The following ANGPT1 variants were observed in gnomAD, a reference collection of about 807,000 sequenced individuals.
The protein encoded by ANGPT1 is angiopoietin 1, also known as angiopoietin-1.
A neutral mutation model predicts 62.2 loss-of-function variants in ANGPT1; 17 were observed. The ratio of observed to expected loss-of-function variants is 0.27; its 90% CI spans 0.19 to 0.41. The LOEUF (loss-of-function observed/expected upper bound fraction) is 0.41, where lower values mean the gene tolerates loss of function less well. Ranked by LOEUF, ANGPT1 falls within the 10% of genes least tolerant of loss-of-function variation. ANGPT1 has a pLI of 1.00. For synonymous variants in ANGPT1, 199 were observed against 198.9 expected, an observed-to-expected ratio of 1.00 and a Z score of 0.00; for missense variants, 478 against 594.9, an observed-to-expected ratio of 0.80 and a Z score of 2.04.
At chr8:107,433,067 T>C (rs1811236966) in intron 1 of ANGPT1, among the ~76,000 whole-genome samples, 1 of 152,228 alleles carries the variant, frequency 6.6e-6, no homozygotes, top group South Asian at 2.1e-4. Context: ...ATTCTCTTTT[T>C]CCCCTCTTTT....
chr8:107,301,613 A>G lies in ANGPT1; in HGVS notation c.936+1627T>C, dbSNP rs549503114. On this transcript the variant is annotated intron_variant, in intron 5 of 8. Coordinates refer to ENST00000517746, the MANE Select transcript of ANGPT1 (RefSeq NM_001146.5). The stretch of plus-strand genomic sequence containing the variant: ...CATGGGATTCAATGTAATCTTGCAC[A>G]GAAATCAAACATGAAAAACAGCAAA... Among the ~76,000 whole-genome samples, 6 of 152,060 alleles carry G rather than the reference A, an allele frequency of 3.9e-5. No homozygotes were observed. The South Asian group carries it at 1.2e-3, about 32-fold the overall frequency.
intron 1 of ANGPT1, among the ~76,000 whole-genome samples, chr8:107,388,073 T>G (rs1816766254): frequency 6.6e-6 from 1 of 152,164 alleles, no homozygotes; most frequent in African/African-American, 2.4e-5. Flanking sequence ...GATGAAAATT[T>G]TTTTATGAAG....
chr8:107,483,064 G>C (rs1181630607), intron 1 of ANGPT1, among the ~76,000 whole-genome samples: 1 of 151,954 alleles, frequency 6.6e-6, no homozygotes, highest in African/African-American at 2.4e-5. Flanking sequence ...GAGTTTATTT[G>C]AATTCTTTAG....
At chr8:107,374,936 C>T (rs927377835) in intron 1 of ANGPT1, among the ~76,000 whole-genome samples, 1 of 152,064 alleles carries the variant, frequency 6.6e-6, no homozygotes, top group African/African-American at 2.4e-5. Context: ...CCGAGGAGGG[C>T]GGATCACGAG....
intron 1 of ANGPT1, among the ~76,000 whole-genome samples, chr8:107,389,653 C>T (rs1050161597): frequency 6.6e-6 from 1 of 152,016 alleles, no homozygotes; most frequent in African/African-American, 2.4e-5. Context: ...CAGAGGATAA[C>T]ATATAACAAA....
chr8:107,457,498 C>A (rs189769170), intron 1 of ANGPT1, among the ~76,000 whole-genome samples: 55 of 151,734 alleles, frequency 3.6e-4, no homozygotes, highest in African/African-American at 1.3e-3. Context: ...TCTTTGTGGT[C>A]GCTGAGGTGA....
At chr8:107,372,245 C>T (rs1008479372) in intron 1 of ANGPT1, among the ~76,000 whole-genome samples, 1 of 151,898 alleles carries the variant, frequency 6.6e-6, no homozygotes, top group Non-Finnish European at 1.5e-5. Context: ...ACAAGTAAAA[C>T]TGTCTTCAAA....
chr8:107,464,460 A>G (rs1812149844), intron 1 of ANGPT1, among the ~76,000 whole-genome samples: 1 of 152,102 alleles, frequency 6.6e-6, no homozygotes, highest in African/African-American at 2.4e-5. Flanking sequence ...TCATTTATTC[A>G]TTCATTCAAT....
intron 7 of ANGPT1, among the ~76,000 whole-genome samples, chr8:107,280,664 A>C (rs1813982819): frequency 6.6e-6 from 1 of 152,224 alleles, no homozygotes; most frequent in African/African-American, 2.4e-5. Context: ...CATAACCGTT[A>C]ATGAGAAGGG....
chr8:107,425,846 C>T (rs1042898785), intron 1 of ANGPT1, among the ~76,000 whole-genome samples: 1 of 152,150 alleles, frequency 6.6e-6, no homozygotes, highest in Non-Finnish European at 1.5e-5. Flanking sequence ...CAGAAGCAAT[C>T]TTGGTATCCT....
At position 107,264,155 on chromosome 8, in the gene ANGPT1, T is replaced by C. The variant is rs541740510; in HGVS notation, c.1336+66A>G. On this transcript the variant is annotated intron_variant, in intron 8 of 8. Coordinates refer to ENST00000517746, the MANE Select transcript of ANGPT1 (RefSeq NM_001146.5). ...ACCATAAGATCATACTCCTTTCTCA[T>C]AGATAAGAAACCTTAAGCCCCAAAC... 1.8e-5 allele frequency: 27 copies of C among 1,532,764 alleles called. No homozygotes were observed. The African/African-American group carries it at 2.2e-4, about 13-fold the overall frequency. The allele number at this position is 1,532,764 out of a possible 1,614,324, so 94.9% of individuals were successfully genotyped here.
intron 1 of ANGPT1, among the ~76,000 whole-genome samples, chr8:107,441,648 G>T (rs900660925): frequency 3.9e-5 from 6 of 152,118 alleles, no homozygotes; most frequent in Non-Finnish European, 5.9e-5. Context: ...TTGAACCTCA[G>T]TTTTCTTATG....
chr8:107,426,123 A>T (rs991103595), intron 1 of ANGPT1, among the ~76,000 whole-genome samples: 6 of 152,182 alleles, frequency 3.9e-5, no homozygotes, highest in African/African-American at 1.4e-4. Context: ...ATTGCTTCCC[A>T]GTTGCAAACT....
intron 1 of ANGPT1, among the ~76,000 whole-genome samples, chr8:107,458,204 A>G (rs1245272425): frequency 1.3e-5 from 2 of 152,178 alleles, no homozygotes; most frequent in Non-Finnish European, 2.9e-5. Flanking sequence ...TTAATTGGGC[A>G]TTTTATGATC....
Position 107,311,007 on chromosome 8 carries a change from GTGTA to G in ANGPT1, c.809-7644_809-7641del, listed in dbSNP as rs1457043309. On this transcript the variant is annotated intron_variant, in intron 4 of 8. Coordinates refer to ENST00000517746, the MANE Select transcript of ANGPT1 (RefSeq NM_001146.5). Reference sequence around the variant, plus strand: ...AGTGTGTGTGTATGTGTGTGACTGTGTGTATGTATGTGAGTGTGTGTGAGTGTGT... The same window carrying G: ...AGTGTGTGTGTATGTGTGTGACTGTGTGTATGTGAGTGTGTGTGAGTGTGT... Among the ~76,000 whole-genome samples the G allele has an allele frequency of 1.1e-4, 16 of 150,352 alleles. No individual in the cohort carries two copies. The East Asian group carries it at 3.1e-3, about 29-fold the overall frequency.
At chr8:107,299,453 T>C (rs1471123295) in intron 5 of ANGPT1, among the ~76,000 whole-genome samples, 1 of 141,764 alleles carries the variant, frequency 7.1e-6, no homozygotes, top group Non-Finnish European at 1.5e-5. Context: ...CATATATATA[T>C]ACACTAAGCA....
intron 1 of ANGPT1, among the ~76,000 whole-genome samples, chr8:107,394,273 T>C (rs1816891614): frequency 6.6e-6 from 1 of 152,164 alleles, no homozygotes; most frequent in African/African-American, 2.4e-5. Context: ...TTTTGATCAA[T>C]GCATTTTAGG....
chr8:107,359,902 C>G (rs935209234), intron 1 of ANGPT1, among the ~76,000 whole-genome samples: 1 of 151,962 alleles, frequency 6.6e-6, no homozygotes, highest in Non-Finnish European at 1.5e-5. Context: ...CAATTTTATA[C>G]CCAGAAATAA....
At chr8:107,438,297 T>A (rs958047120) in intron 1 of ANGPT1, among the ~76,000 whole-genome samples, 9 of 151,586 alleles carry the variant, frequency 5.9e-5, no homozygotes, top group Non-Finnish European at 1.2e-4. Context: ...GATATCATCA[T>A]CTTCTTCTTC....
Sources: allele counts gnomAD v4.1 joint callset (sites outside exome capture counted in the v4.1 genomes callset), GRCh38; gene constraint gnomAD v4.1.1; transcripts MANE v1.5; gene names NCBI Gene and HGNC (gene_info 2026-07-23, HGNC 2026-07-21).